Variants in RAB27B observed in about 807,000 individuals in gnomAD.
The protein encoded by RAB27B is RAB27B, member RAS oncogene family, also known as ras-related protein Rab-27B.
Under a neutral mutation model 24.6 loss-of-function variants are expected in RAB27B, and 15 were observed. That is an observed-to-expected ratio of 0.61 (90% CI 0.41 to 0.94). The LOEUF is 0.94. Ranked by LOEUF, RAB27B falls within the 40% of genes least tolerant of loss-of-function variation. The pLI, the probability that RAB27B is intolerant of heterozygous loss-of-function variation, is 0.00. For missense variants in RAB27B, 261 were observed against 266.8 expected, an observed-to-expected ratio of 0.98 and a Z score of 0.15; for synonymous variants, 105 against 92.5, an observed-to-expected ratio of 1.14 and a Z score of -0.78.
intron 2 of RAB27B, among the ~76,000 whole-genome samples, chr18:54,734,976 A>G (rs1325003458): frequency 6.6e-6 from 1 of 152,150 alleles, no homozygotes; most frequent in Non-Finnish European, 1.5e-5. Context: ...ATTAATAAGA[A>G]CTAGATTTAT....
intron 2 of RAB27B, among the ~76,000 whole-genome samples, chr18:54,725,652 A>G (rs1909512814): frequency 6.6e-6 from 1 of 151,524 alleles, no homozygotes; most frequent in Non-Finnish European, 1.5e-5. Context: ...ACACGGTGGC[A>G]GGAGAAAGAA....
chr18:54,764,784 A>G (rs1908305552), intron 2 of RAB27B, among the ~76,000 whole-genome samples: 1 of 152,034 alleles, frequency 6.6e-6, no homozygotes, highest in African/African-American at 2.4e-5. Flanking sequence ...TGCATTTCAA[A>G]TTTATCTACT....
At chr18:54,849,445 C>T (rs141672449) in intron 1 of RAB27B, among the ~76,000 whole-genome samples, 14 of 152,292 alleles carry the variant, frequency 9.2e-5, no homozygotes, top group Admixed American at 2.0e-4. Flanking sequence ...TGGCCAGGAG[C>T]GGTGGCTCAT....
chr18:54,816,982 A>G (rs563251512), intron 2 of RAB27B, among the ~76,000 whole-genome samples: 1 of 152,174 alleles, frequency 6.6e-6, no homozygotes, highest in Non-Finnish European at 1.5e-5. Context: ...TTTATTGCAA[A>G]TCACATTTAT....
intron 2 of RAB27B, among the ~76,000 whole-genome samples, chr18:54,794,015 G>T (rs1909336008): frequency 6.6e-6 from 1 of 152,182 alleles, no homozygotes; most frequent in African/African-American, 2.4e-5. Context: ...AATTTGAAAG[G>T]CAGGCTGGCT....
At chr18:54,747,291 C>G (rs1035608954) in intron 2 of RAB27B, among the ~76,000 whole-genome samples, 1 of 152,124 alleles carries the variant, frequency 6.6e-6, no homozygotes, top group South Asian at 2.1e-4. Context: ...AGCCCAATGT[C>G]TCACTCTCCA....
intron 1 of RAB27B, among the ~76,000 whole-genome samples, chr18:54,857,349 C>T (rs976673297): frequency 3.9e-5 from 6 of 152,172 alleles, no homozygotes; most frequent in East Asian, 1.9e-4. Flanking sequence ...AAGAGACCTA[C>T]GAATCATTTC....
In RAB27B at chr18:54,736,443, C is replaced by A. The variant is rs188976928; in HGVS notation, c.-20+18302C>A. The stretch of plus-strand genomic sequence containing the variant: ...ATGAAAGTCTTATTTCCTTGAATTT[C>A]ATTATTGTTGTAAATTTCTTCATTT... On this transcript the variant is annotated intron_variant, in intron 2 of 4. Transcript: ENST00000586570. Among the ~76,000 whole-genome samples the A allele has an allele frequency of 3.1e-3, 466 of 151,596 alleles. 3 individuals are homozygous for A. Among genetic ancestry groups the A allele is most frequent in the African/African-American group, 0.011 (444 of 41,204 alleles).
intron 2 of RAB27B, among the ~76,000 whole-genome samples, chr18:54,763,368 A>G (rs1166456752): frequency 2.0e-5 from 3 of 152,104 alleles, no homozygotes; most frequent in African/African-American, 4.8e-5. Context: ...ATGAAGGACA[A>G]GCTCCTTCCA....
chr18:54,724,598 C>A (rs1909470421), intron 2 of RAB27B, among the ~76,000 whole-genome samples: 1 of 151,136 alleles, frequency 6.6e-6, no homozygotes, highest in South Asian at 2.1e-4. Context: ...GTGGTGTGCT[C>A]CTGAGGTGGG....
At chr18:54,824,398 C>T (rs9945547), upstream of RAB27B, among the ~76,000 whole-genome samples, 48,169 of 152,068 alleles carry the variant, frequency 0.32, 8,641 homozygotes, top group African/African-American at 0.47. Flanking sequence ...AAAAAATCTT[C>T]GTGGCATCAT....
Position 54,785,433 on chromosome 18 carries a change from C to T in RAB27B, c.-20+67292C>T, listed in dbSNP as rs553221939. ...GAATGTTCTTTGCTCTCACCTTCCT[C>T]AGGTTTTTTTTTTTTTTTTTTTTTT... On this transcript the variant is annotated intron_variant, in intron 2 of 4. Coordinates refer to the RAB27B transcript ENST00000586570. Among the ~76,000 whole-genome samples, 6 of 116,258 alleles carry T rather than the reference C, an allele frequency of 5.2e-5. No homozygotes were observed. The South Asian group carries it at 1.8e-3, about 35-fold the overall frequency. The allele number at this position is 116,258 out of a possible 152,430, so 76.3% of individuals were successfully genotyped here. A position where few individuals can be genotyped will look rare whatever the true frequency, so the allele number is the denominator to read the frequency against.
At chr18:54,807,972 T>G (rs1444240978) in intron 2 of RAB27B, among the ~76,000 whole-genome samples, 1 of 152,214 alleles carries the variant, frequency 6.6e-6, no homozygotes, top group Non-Finnish European at 1.5e-5. Context: ...CCAGTCTGTT[T>G]GTATCTTTTG....
chr18:54,774,716 TAAAG>T (rs1400859967), intron 2 of RAB27B, among the ~76,000 whole-genome samples: 7 of 152,254 alleles, frequency 4.6e-5, no homozygotes, highest in Non-Finnish European at 8.8e-5. Flanking sequence ...TATTCTGTAA[TAAAG>T]AAACACTGTT....
chr18:54,755,515 A>G (rs926389703), intron 2 of RAB27B, among the ~76,000 whole-genome samples: 8 of 152,194 alleles, frequency 5.3e-5, no homozygotes, highest in African/African-American at 1.7e-4. Context: ...CTATGTGACA[A>G]TGACAATGTA....
intron 2 of RAB27B, among the ~76,000 whole-genome samples, chr18:54,812,083 A>G (rs1174406170): frequency 6.6e-6 from 1 of 152,184 alleles, no homozygotes; most frequent in Non-Finnish European, 1.5e-5. Context: ...CTAATGTCAA[A>G]ATATCTGTTG....
intron 1 of RAB27B, among the ~76,000 whole-genome samples, chr18:54,867,111 C>T (rs986775810): frequency 2.6e-5 from 4 of 152,064 alleles, no homozygotes; most frequent in Admixed American, 6.5e-5. Flanking sequence ...AAGTGGGGAG[C>T]CCACTTTCTT....
intron 2 of RAB27B, among the ~76,000 whole-genome samples, chr18:54,769,309 G>A (rs558513991): frequency 2.4e-4 from 37 of 152,090 alleles, no homozygotes; most frequent in Non-Finnish European, 4.0e-4. Flanking sequence ...TTGACTCCAC[G>A]TCTCACCTCT....
At chr18:54,853,629 T>C (rs1463557852) in intron 1 of RAB27B, among the ~76,000 whole-genome samples, 4 of 152,176 alleles carry the variant, frequency 2.6e-5, no homozygotes, top group Non-Finnish European at 5.9e-5. Flanking sequence ...TATTAATCGG[T>C]ATGAAGTTTC....
Sources: allele counts gnomAD v4.1 joint callset (sites outside exome capture counted in the v4.1 genomes callset), GRCh38; gene constraint gnomAD v4.1.1; transcripts MANE v1.5; gene names NCBI Gene and HGNC (gene_info 2026-07-23, HGNC 2026-07-21).